The following CLDN16 variants were observed in gnomAD, a reference collection of about 807,000 sequenced individuals.
CLDN16 encodes the protein claudin-16.
A neutral mutation model predicts 24.6 loss-of-function variants in CLDN16; 13 were observed. The ratio of observed to expected loss-of-function variants is 0.53; its 90% CI spans 0.34 to 0.84. CLDN16 has a LOEUF of 0.84. CLDN16 is among the 40% of genes least tolerant of loss of function. CLDN16 has a pLI of 0.01. For missense variants in CLDN16, 298 were observed against 292.7 expected (o/e 1.02, Z -0.13); for synonymous variants, 116 against 106.7 (o/e 1.09, Z -0.54).
intron 1 of CLDN16, among the ~76,000 whole-genome samples, chr3:190,368,900 A>G (rs534599026): frequency 2.6e-5 from 4 of 152,044 alleles, no homozygotes; most frequent in Admixed American, 2.6e-4. Flanking sequence ...GTTGCTTGCT[A>G]CTAAAGGCCA....
At chr3:190,401,528 G>GTT (rs1487298772) in intron 1 of CLDN16, among the ~76,000 whole-genome samples, 1 of 152,162 alleles carries the variant, frequency 6.6e-6, no homozygotes, top group Non-Finnish European at 1.5e-5. Flanking sequence ...ACTATTTTCT[G>GTT]TTGGCATGTT....
At chr3:190,393,564 A>G (rs1288925431) in intron 1 of CLDN16, among the ~76,000 whole-genome samples, 6 of 152,224 alleles carry the variant, frequency 3.9e-5, no homozygotes, top group African/African-American at 1.4e-4. Context: ...TGAATCAGCC[A>G]ATAAATATTA....
At chr3:190,398,033 G>A (rs940687504) in intron 1 of CLDN16, among the ~76,000 whole-genome samples, 4 of 152,220 alleles carry the variant, frequency 2.6e-5, no homozygotes, top group Non-Finnish European at 5.9e-5. Context: ...ATTGTGGAGA[G>A]TCGCTGTCTG....
At chr3:190,391,057 G>A (rs373755329) in intron 1 of CLDN16, among the ~76,000 whole-genome samples, 1 of 152,090 alleles carries the variant, frequency 6.6e-6, no homozygotes, top group Non-Finnish European at 1.5e-5. Context: ...AAAGTACTGG[G>A]ATTATAGGAG....
At chr3:190,340,039 T>C (rs1717393291) in intron 1 of CLDN16, among the ~76,000 whole-genome samples, 1 of 152,214 alleles carries the variant, frequency 6.6e-6, no homozygotes, top group South Asian at 2.1e-4. Flanking sequence ...ATATATCATA[T>C]TAACAGACAT....
chr3:190,331,745 T>C (rs1462343645), intron 1 of CLDN16, among the ~76,000 whole-genome samples: 1 of 152,212 alleles, frequency 6.6e-6, no homozygotes, highest in African/African-American at 2.4e-5. Flanking sequence ...GTTACTGTAA[T>C]GAATTACCAC....
intron 1 of CLDN16, among the ~76,000 whole-genome samples, chr3:190,360,982 A>G (rs1717874851): frequency 6.6e-6 from 1 of 152,004 alleles, no homozygotes; most frequent in Admixed American, 6.6e-5. Flanking sequence ...TACTTGCTTT[A>G]AACCATAAAA....
chr3:190,310,289 A>G, the CLDN16 span: 4 of 1,519,626 alleles, frequency 2.6e-6, no homozygotes, highest in Admixed American at 3.3e-5. Flanking sequence ...GTTAATCACC[A>G]TGGAACACTG....
Position 190,408,481 on chromosome 3 carries a change from A to G in CLDN16, c.550A>G (p.Thr184Ala). ...LGCFLAGAVL[T>A]CCLYLFKDVG... ...TTGCTTTTTGGCTGGAGCTGTTCTC[A>G]CCTGCTGCTTATATCTTTTTAAAGG... Residue 184 changes from threonine (T) to alanine (A), a missense_variant, in exon 4 of 5, where the codon ACC (threonine) becomes GCC (alanine). By Grantham distance (58) the Thr-to-Ala change is moderately conservative. Transcript: ENST00000264734. 1 of 1,614,012 alleles carries G rather than the reference A, an allele frequency of 6.2e-7. No homozygotes were observed. Among genetic ancestry groups the G allele is most frequent in the Non-Finnish European group, 8.5e-7 (1 of 1,179,976 alleles).
At chr3:190,364,777 A>T (rs773026631) in intron 1 of CLDN16, among the ~76,000 whole-genome samples, 3 of 151,616 alleles carry the variant, frequency 2.0e-5, no homozygotes, top group Non-Finnish European at 2.9e-5. Flanking sequence ...AGTCAAAGAC[A>T]TATTCCCAAA....
At position 190,380,257 on chromosome 3, in the gene CLDN16, T is replaced by TTCCTTCCTTCCTTC. The variant is rs1330460824; in HGVS notation, n.306+5654_306+5655insTCCTTCCTTCCTTC. On this transcript the variant is annotated intron_variant and non_coding_transcript_variant, in intron 3 of 4. Coordinates refer to the CLDN16 transcript ENST00000468220. ...CCTTCCCTCCCTTCCTTCCTTCCTTTCTTCCTTCCTTCCTTCTGTTTTTTG... is the reference window on the plus strand; with the variant it reads ...CCTTCCCTCCCTTCCTTCCTTCCTTTTCCTTCCTTCCTTCCTTCCTTCCTTCCTTCTGTTTTTTG... Among the ~76,000 whole-genome samples the TTCCTTCCTTCCTTC allele has an allele frequency of 4.7e-3, 68 of 14,560 alleles. 3 individuals are homozygous for TTCCTTCCTTCCTTC. The highest frequency in any genetic ancestry group is 0.014 in the African/African-American group (32 of 2,312). The allele number at this position is 14,560 out of a possible 152,430, so 9.6% of individuals were successfully genotyped here.
rs1553809356 is a variant in CLDN16, at chr3:190,405,428, G to GC, written c.382+502_382+503insC. Among the ~76,000 whole-genome samples, 6 of 81,154 alleles carry GC rather than the reference G, an allele frequency of 7.4e-5. No homozygotes were observed. In the Admixed American group the frequency reaches 9.4e-4, roughly 13 times the overall value. 53.2% of individuals were successfully genotyped at this position (81,154 alleles called of 152,430 possible). ...CAACAGAGCAAGACTCCGTCTCACGGAAAAAAAAAAAAAAAAAAAGGAAAT... is the reference window on the plus strand; with the variant it reads ...CAACAGAGCAAGACTCCGTCTCACGGCAAAAAAAAAAAAAAAAAAAGGAAAT... On this transcript the variant is annotated intron_variant, in intron 3 of 4. Transcript: ENST00000264734.
chr3:190,309,508 T>C, the CLDN16 span, among the ~76,000 whole-genome samples: 1 of 152,218 alleles, frequency 6.6e-6, no homozygotes, highest in Non-Finnish European at 1.5e-5. Context: ...AATGTAGTTA[T>C]TAGGCATTAA....
At chr3:190,349,557 G>C (rs1282468900) in intron 1 of CLDN16, among the ~76,000 whole-genome samples, 2 of 152,228 alleles carry the variant, frequency 1.3e-5, no homozygotes, top group South Asian at 4.2e-4. Flanking sequence ...CTTTTCCTGA[G>C]TCCACATCAT....
At chr3:190,358,261 C>T (rs1717818280) in intron 1 of CLDN16, among the ~76,000 whole-genome samples, 1 of 151,656 alleles carries the variant, frequency 6.6e-6, no homozygotes, top group Non-Finnish European at 1.5e-5. Flanking sequence ...AATTTTATGT[C>T]ATAATAAGAG....
chr3:190,396,962 G>T (rs1054064779), intron 1 of CLDN16, among the ~76,000 whole-genome samples: 2 of 152,160 alleles, frequency 1.3e-5, no homozygotes, highest in African/African-American at 4.8e-5. Flanking sequence ...AGAGAGGCAG[G>T]TTGGGTAGGA....
chr3:190,290,428 A>T, the CLDN16 span, among the ~76,000 whole-genome samples: 2 of 152,206 alleles, frequency 1.3e-5, no homozygotes, highest in Admixed American at 1.3e-4. Flanking sequence ...CTTGAAAAAG[A>T]ATTAGGTTTA....
intron 1 of CLDN16, among the ~76,000 whole-genome samples, chr3:190,335,023 C>CTTTTTTTTTTTTTTT (rs57744577): frequency 2.2e-5 from 3 of 134,344 alleles, no homozygotes; most frequent in Non-Finnish European, 3.2e-5. Flanking sequence ...TTTCTTTTTT[C>CTTTTTTTTTTTTTTT]TTTTTTTTTT....
the CLDN16 span, among the ~76,000 whole-genome samples, chr3:190,308,879 C>A: frequency 6.6e-6 from 1 of 152,086 alleles, no homozygotes; most frequent in South Asian, 2.1e-4. Flanking sequence ...ATCCATTGGT[C>A]CCAGGCACCT....
Sources: allele counts gnomAD v4.1 joint callset (sites outside exome capture counted in the v4.1 genomes callset), GRCh38; gene constraint gnomAD v4.1.1; transcripts MANE v1.5; gene names NCBI Gene and HGNC (gene_info 2026-07-23, HGNC 2026-07-21).